The following RDX variants were observed in gnomAD, a reference collection of about 807,000 sequenced individuals.
RDX encodes deafness, autosomal recessive 24.
In RDX, 32 loss-of-function variants were observed where a neutral mutation model predicts 83.7. The observed-to-expected ratio is 0.38, with a 90% CI of 0.29 to 0.51. The LOEUF is 0.51. Ranked by LOEUF, RDX falls within the 20% of genes least tolerant of loss-of-function variation. RDX has a pLI of 0.87. For synonymous variants in RDX, 229 were observed against 222.7 expected (o/e 1.03, Z -0.25); for missense variants, 600 against 689.9 (o/e 0.87, Z 1.46).
chr11:110,241,750 A>C (rs924432552), intron 10 of RDX, among the ~76,000 whole-genome samples: 1 of 152,254 alleles, frequency 6.6e-6, no homozygotes, highest in Non-Finnish European at 1.5e-5. Flanking sequence ...ATCCATGTTC[A>C]TAACAGTATT....
chr11:110,289,238 C>CAAAAAAAAAAAAAAAAAAAAAAAAAAAA (rs753424624), intron 1 of RDX, among the ~76,000 whole-genome samples: 1 of 54,358 alleles, frequency 1.8e-5, no homozygotes, highest in Non-Finnish European at 3.9e-5. Context: ...AACTCTATCT[C>CAAAAAAAAAAAAAAAAAAAAAAAAAAAA]AAAAAAAAAA....
chr11:110,254,499 A>C (rs1289846164), intron 8 of RDX, among the ~76,000 whole-genome samples: 1 of 149,250 alleles, frequency 6.7e-6, no homozygotes, highest in Non-Finnish European at 1.5e-5. Flanking sequence ...TTTTTTTGAG[A>C]CGGAGTCTTG....
At chr11:110,292,296 A>G (rs922359554) in intron 1 of RDX, among the ~76,000 whole-genome samples, 2 of 133,930 alleles carry the variant, frequency 1.5e-5, no homozygotes, top group African/African-American at 3.3e-5. Context: ...CTGTCTTGGA[A>G]AAAAAAAAAA....
At chr11:110,292,345 A>G (rs1345055239) in intron 1 of RDX, among the ~76,000 whole-genome samples, 1 of 151,834 alleles carries the variant, frequency 6.6e-6, no homozygotes, top group Non-Finnish European at 1.5e-5. Context: ...CTGTGTTGGC[A>G]GCTACTAGGG....
Position 110,257,851 on chromosome 11 carries a change from T to C in RDX, c.614A>G (p.Tyr205Cys). The change falls in exon 7 of 14, where the codon TAT (tyrosine) becomes TGT (cysteine). Residue 205 changes from tyrosine to cysteine, a missense_variant. Coordinates refer to ENST00000645495, the MANE Select transcript of RDX (RefSeq NM_002906.4). ...TCCTTTTTTATTTTTTATTTCAAAA[T>C]AGTTGACTCCATACATTTCTAGATC... ...AQDLEMYGVN[Y>C]FEIKNKKGTE... 1.2e-6 allele frequency: 2 copies of C among 1,612,714 alleles called. No homozygotes were observed. Among genetic ancestry groups the C allele is most frequent in the Non-Finnish European group, 1.7e-6 (2 of 1,179,008 alleles).
intron 14 of RDX, among the ~76,000 whole-genome samples, chr11:110,211,709 C>T (rs1863845054): frequency 6.9e-6 from 1 of 145,428 alleles, no homozygotes; most frequent in African/African-American, 2.5e-5. Context: ...TACATGGAAA[C>T]TGAACAACCT....
intron 3 of RDX, among the ~76,000 whole-genome samples, chr11:110,269,198 G>C (rs989428845): frequency 6.6e-6 from 1 of 151,958 alleles, no homozygotes; most frequent in Non-Finnish European, 1.5e-5. Context: ...TTACACTCTT[G>C]AACTCCTGAC....
intron 1 of RDX, among the ~76,000 whole-genome samples, chr11:110,292,573 G>C (rs1408029333): frequency 6.6e-6 from 1 of 151,916 alleles, no homozygotes; most frequent in Non-Finnish European, 1.5e-5. Flanking sequence ...GGATCTAAGG[G>C]CTCAAAACTG....
intron 1 of RDX, among the ~76,000 whole-genome samples, chr11:110,285,933 A>G (rs1860963140): frequency 6.6e-6 from 1 of 151,988 alleles, no homozygotes; most frequent in Non-Finnish European, 1.5e-5. Context: ...AAGTATAAAA[A>G]TAATAATAAA....
intron 9 of RDX, among the ~76,000 whole-genome samples, chr11:110,252,945 T>C (rs958184662): frequency 6.6e-6 from 1 of 152,222 alleles, no homozygotes; most frequent in Admixed American, 6.5e-5. Context: ...CAACTCAGTA[T>C]CTTTAATGAT....
At chr11:110,245,934 T>C (rs1277253188) in intron 10 of RDX, among the ~76,000 whole-genome samples, 1 of 152,202 alleles carries the variant, frequency 6.6e-6, no homozygotes, top group Admixed American at 6.5e-5. Flanking sequence ...GCAGGTCTGG[T>C]GCTATATATA....
intron 5 of RDX, 96 bp downstream of exon 5, chr11:110,263,864 T>TC: frequency 9.5e-7 from 1 of 1,057,488 alleles, no homozygotes; most frequent in East Asian, 2.6e-5. Flanking sequence ...CCAGACCCTG[T>TC]CTCCAAAAAA....
intron 2 of RDX, chr11:110,272,868 T>C (rs972321159): frequency 7.7e-6 from 4 of 516,794 alleles, no homozygotes; most frequent in East Asian, 4.4e-5. Flanking sequence ...TAGGAGATAC[T>C]ACCTTTATTT....
At chr11:110,175,026 G>A (rs1445729382) in exon 16 of RDX, 1 of 152,212 alleles carries the variant, frequency 6.6e-6, no homozygotes, top group Non-Finnish European at 1.5e-5. Context: ...TGGATTAGAG[G>A]AAAGGTTTCA....
At chr11:110,292,599 A>C (rs1861290420) in intron 1 of RDX, among the ~76,000 whole-genome samples, 1 of 152,190 alleles carries the variant, frequency 6.6e-6, no homozygotes, top group East Asian at 1.9e-4. Flanking sequence ...CGCTCACTTC[A>C]CAAATTTACC....
At position 110,237,544 on chromosome 11, in the gene RDX, T is replaced by A. The variant is rs1209373602; in HGVS notation, c.1199A>T (p.Lys400Met). The A allele has an allele frequency of 6.2e-7, 1 of 1,613,588 alleles. No individual in the cohort carries two copies. Among genetic ancestry groups the A allele is most frequent in the Non-Finnish European group, 8.5e-7 (1 of 1,180,036 alleles). Residue 400 changes from lysine to methionine, a missense_variant, in exon 11 of 14, where the codon AAG becomes ATG. Lys to Met is a moderately conservative substitution (Grantham distance 95). Coordinates refer to ENST00000645495, the MANE Select transcript of RDX (RefSeq NM_002906.4). ...GGCAGCTTGTTTTGCTATGGCAGAC[T>A]TTGCCTCTTCAGCAGCTCGACGCTC... ...EKERRAAEEA[K>M]SAIAKQAADQ...
At chr11:110,272,979 C>T (rs1323610640) in intron 2 of RDX, 1 of 457,464 alleles carries the variant, frequency 2.2e-6, no homozygotes, top group South Asian at 1.5e-5. Flanking sequence ...TTAGTCCCAG[C>T]ACTTTGGAAG....
intron 10 of RDX, among the ~76,000 whole-genome samples, chr11:110,239,480 G>A (rs902556525): frequency 6.6e-6 from 1 of 152,106 alleles, no homozygotes; most frequent in African/African-American, 2.4e-5. Context: ...GCTCAAACTC[G>A]ATAGCAGAAA....
intron 5 of RDX, among the ~76,000 whole-genome samples, chr11:110,260,774 T>C (rs1859771029): frequency 6.6e-6 from 1 of 152,208 alleles, no homozygotes; most frequent in Non-Finnish European, 1.5e-5. Context: ...CCTATGCACA[T>C]CCTCTTGTAT....
Sources: gnomAD v4.1 joint callset for allele counts (sites outside exome capture counted in the v4.1 genomes callset) on GRCh38, gnomAD v4.1.1 for gene constraint, MANE v1.5 for transcripts, NCBI Gene and HGNC (gene_info 2026-07-23, HGNC 2026-07-21) for gene names.